Variants in ACIN1 observed in about 807,000 individuals in gnomAD.
ACIN1 encodes apoptotic chromatin condensation inducer 1.
A neutral mutation model predicts 146.6 loss-of-function variants in ACIN1; 16 were observed. That is an observed-to-expected ratio of 0.11 (90% CI 0.07 to 0.17). The LOEUF is 0.17. ACIN1 is among the 10% of genes least tolerant of loss of function. The pLI is 1.00. For synonymous variants in ACIN1, 569 were observed against 582.7 expected, an observed-to-expected ratio of 0.98 and a Z score of 0.34; for missense variants, 1,357 against 1,609.3, an observed-to-expected ratio of 0.84 and a Z score of 2.68.
intron 9 of ACIN1, 96 bp from the exon 10 acceptor site, chr14:23,066,104 C>A: frequency 1.1e-6 from 1 of 920,366 alleles, no homozygotes; most frequent in Non-Finnish European, 1.7e-6. Context: ...AGCTTAGCCT[C>A]CAAAGACACA....
intron 1 of ACIN1, chr14:23,094,422 A>C (rs2048313280): frequency 2.1e-6 from 2 of 971,970 alleles, no homozygotes; most frequent in African/African-American, 3.5e-5. Context: ...CCAAATTGCC[A>C]CTAGATGCCA....
chr14:23,060,575 C>T (rs1006251390), intron 18 of ACIN1, among the ~76,000 whole-genome samples: 11 of 151,874 alleles, frequency 7.2e-5, no homozygotes, highest in African/African-American at 1.2e-4. Context: ...TGCAATGGCA[C>T]GGTCTCTGCT....
chr14:23,068,851 G>A lies in ACIN1; in HGVS notation c.2265+625C>T. 1 of 985,386 alleles carries A rather than the reference G, an allele frequency of 1.0e-6. No individual in the cohort carries two copies. Among genetic ancestry groups the A allele is most frequent in the Non-Finnish European group, 1.2e-6 (1 of 829,962 alleles). 61.0% of individuals were successfully genotyped at this position (985,386 alleles called of 1,614,324 possible). A position where few individuals can be genotyped will look rare whatever the true frequency, so the allele number is the denominator to read the frequency against. ...GCTCATTCTTTCTCAATTACTTTAA[G>A]AGCCAAGAAGACTTCGCTGGCTCTG... On this transcript the variant is annotated intron_variant, in intron 9 of 18. Coordinates refer to ENST00000605057, the MANE Select transcript of ACIN1 (RefSeq NM_001386863.1). The surrounding 1 kb of genome is among the most constrained non-coding windows in gnomAD (Gnocchi z 4.3).
intron 18 of ACIN1, 22 bp downstream of exon 18, chr14:23,061,062 G>C (rs1157471097): frequency 6.2e-7 from 1 of 1,608,568 alleles, no homozygotes; most frequent in Admixed American, 1.7e-5. Context: ...CTAGGGAGCA[G>C]GGCACGAAGA....
rs551246299 is a variant in ACIN1 at position 23,070,774 on chromosome 14, A to T, written c.2124-1157T>A. On this transcript the variant is annotated intron_variant, in intron 8 of 18. Coordinates refer to ENST00000605057, the MANE Select transcript of ACIN1 (RefSeq NM_001386863.1). ...ATTCCCAACAGGCTGACTGACTGAC[A>T]CTCAGAGGTCAGAAGAACCTCCCTA... Among the ~76,000 whole-genome samples, 7 of 152,134 alleles carry T rather than the reference A, an allele frequency of 4.6e-5. No individual in the cohort carries two copies. The South Asian group carries it at 1.2e-3, about 27-fold the overall frequency.
rs535368237 is a variant in ACIN1 at position 23,066,982 on chromosome 14, G to C, written c.2266-974C>G. Among the ~76,000 whole-genome samples the C allele has an allele frequency of 8.4e-4, 128 of 152,164 alleles. 1 individual carries two copies. Among genetic ancestry groups the C allele is most frequent in the Admixed American group, 6.6e-3 (101 of 15,292 alleles). ...AGACCACTCTACCACTCTTCTAAAG[G>C]GTAGGGCAGAAACCTCGTGATGAAA... On this transcript the variant is annotated intron_variant, in intron 9 of 18. Transcript: ENST00000605057.
At chr14:23,076,348 C>T (rs545430632) in intron 8 of ACIN1, 2 of 152,294 alleles carry the variant, frequency 1.3e-5, no homozygotes, top group East Asian at 1.9e-4. Flanking sequence ...TCCACTGAAG[C>T]GGGCCTAGGC....
intron 8 of ACIN1, chr14:23,071,415 T>C (rs909281745): frequency 6.4e-7 from 1 of 1,551,528 alleles, no homozygotes; most frequent in Non-Finnish European, 8.7e-7. Flanking sequence ...GAGATAAGCG[T>C]TAAGTCCTCA....
chr14:23,063,130 A>C (rs1594743683), intron 13 of ACIN1, 56 bp from the exon 14 acceptor site: 2 of 1,519,390 alleles, frequency 1.3e-6, no homozygotes, highest in Non-Finnish European at 8.9e-7. Flanking sequence ...GGCTCTTTTC[A>C]CCCTCAATGT....
At chr14:23,083,047 A>G (rs2331831) in intron 4 of ACIN1, among the ~76,000 whole-genome samples, 3,530 of 140,924 alleles carry the variant, frequency 0.025, 126 homozygotes, top group African/African-American at 0.077. Flanking sequence ...ACTAGGTGAG[A>G]TTTTTTTTTT....
rs1566761274 is a variant in ACIN1 at position 23,093,466 on chromosome 14, C to T, written c.204+13G>A. The stretch of plus-strand genomic sequence containing the variant: ...CAAAGGGCCCACTCCATTGAATACA[C>T]CTTCTTTCTCACCTGGGAATTTGGC... On this transcript the variant is annotated intron_variant, in intron 2 of 18. Coordinates refer to ENST00000605057, the MANE Select transcript of ACIN1 (RefSeq NM_001386863.1). 1 of 1,612,538 alleles carries T rather than the reference C, an allele frequency of 6.2e-7. No individual in the cohort carries two copies. Among genetic ancestry groups the T allele is most frequent in the South Asian group, 1.1e-5 (1 of 91,036 alleles).
chr14:23,066,064 G>A lies in ACIN1; in HGVS notation c.2266-56C>T, dbSNP rs2047444761. ...GAGAAAGAGAGACACCCCACAGAGA[G>A]GGGGGAAGGAGGTTAGATGGGGCAG... On this transcript the variant is annotated intron_variant, in intron 9 of 18. Transcript: ENST00000605057. 9 of 1,498,626 alleles carry A rather than the reference G, an allele frequency of 6.0e-6. 1 individual carries two copies. The South Asian group carries it at 7.9e-5, about 13-fold the overall frequency. 92.8% of individuals were successfully genotyped at this position (1,498,626 alleles called of 1,614,324 possible). A position where few individuals can be genotyped will look rare whatever the true frequency, so the allele number is the denominator to read the frequency against.
chr14:23,066,123 G>C lies in ACIN1; in HGVS notation c.2266-115C>G, dbSNP rs548113260. 15 of 724,498 alleles carry C rather than the reference G, an allele frequency of 2.1e-5. No homozygotes were observed. The African/African-American group carries it at 2.3e-4, about 11-fold the overall frequency. The allele number at this position is 724,498 out of a possible 1,614,324, so 44.9% of individuals were successfully genotyped here. On this transcript the variant is annotated intron_variant, in intron 9 of 18. Coordinates refer to ENST00000605057, the MANE Select transcript of ACIN1 (RefSeq NM_001386863.1). Reference sequence around the variant, plus strand: ...TAGCCTCCAAAGACACAGATAGAGTGAGAGAGAGAGACAGAGAGAGACACA... The same window carrying C: ...TAGCCTCCAAAGACACAGATAGAGTCAGAGAGAGAGACAGAGAGAGACACA...
intron 8 of ACIN1, chr14:23,076,693 GCTGTCAATA>G (rs1278650050): frequency 3.3e-5 from 5 of 152,168 alleles, no homozygotes; most frequent in Non-Finnish European, 1.5e-5. Flanking sequence ...TTAGTAGCAG[GCTGTCAATA>G]CCCACTTCAA....
At chr14:23,069,641 T>TGGGGGGGGGGGGGGGGGGGG in intron 8 of ACIN1, 24 bp from the exon 9 acceptor site, 2 of 309,220 alleles carry the variant, frequency 6.5e-6, no homozygotes, top group Non-Finnish European at 1.1e-5. Context: ...GGAGTGGTGG[T>TGGGGGGGGGGGGGGGGGGGG]GGGGGGGCGG....
chr14:23,060,859 A>T (rs2047256792), intron 18 of ACIN1, among the ~76,000 whole-genome samples: 1 of 152,254 alleles, frequency 6.6e-6, no homozygotes, highest in African/African-American at 2.4e-5. Flanking sequence ...CTTCCCAGAC[A>T]TCCACAAACT....
At chr14:23,094,543 C>G in intron 1 of ACIN1, 1 of 985,338 alleles carries the variant, frequency 1.0e-6, no homozygotes, top group Non-Finnish European at 1.2e-6. Context: ...CCTATTCGTG[C>G]AGATACCGAT....
intron 8 of ACIN1, among the ~76,000 whole-genome samples, chr14:23,077,069 T>C (rs1327967829): frequency 1.3e-5 from 2 of 152,200 alleles, no homozygotes; most frequent in Non-Finnish European, 2.9e-5. Flanking sequence ...CGACAAGGAT[T>C]ATACCCCTCA....
chr14:23,092,128 G>A (rs926434496), intron 2 of ACIN1, among the ~76,000 whole-genome samples: 7 of 151,010 alleles, frequency 4.6e-5, no homozygotes, highest in African/African-American at 1.5e-4. Context: ...AGATTCCCAA[G>A]TTGCCCTTCT....
Sources: allele counts gnomAD v4.1 joint callset (sites outside exome capture counted in the v4.1 genomes callset), GRCh38; gene constraint gnomAD v4.1.1; non-coding constraint Gnocchi (gnomAD v3.1); transcripts MANE v1.5; gene names NCBI Gene and HGNC (gene_info 2026-07-23, HGNC 2026-07-21).